Variants in KCND2 observed in about 807,000 individuals in gnomAD.
KCND2 encodes A-type voltage-gated potassium channel KCND2.
Under a neutral mutation model 54.4 loss-of-function variants are expected in KCND2, and 16 were observed. The observed-to-expected ratio is 0.29, with a 90% CI of 0.20 to 0.45. The LOEUF (loss-of-function observed/expected upper bound fraction) is 0.45. Ranked by LOEUF, KCND2 falls within the 20% of genes least tolerant of loss-of-function variation. The probability of loss-of-function intolerance (pLI) is 1.00; values close to 1 mark genes in which losing one functional copy is unlikely to be tolerated. For synonymous variants in KCND2, 317 were observed against 310.7 expected (o/e 1.02, Z -0.21); for missense variants, 486 against 824.2 (o/e 0.59, Z 5.02).
intron 1 of KCND2, among the ~76,000 whole-genome samples, chr7:120,307,636 C>T (rs972907505): frequency 6.6e-6 from 1 of 151,976 alleles, no homozygotes; most frequent in Non-Finnish European, 1.5e-5. Flanking sequence ...CCTGTGTGGT[C>T]AGATGTATGT....
intron 1 of KCND2, among the ~76,000 whole-genome samples, chr7:120,419,360 GA>G (rs952738649): frequency 7.2e-5 from 11 of 152,062 alleles, no homozygotes; most frequent in Non-Finnish European, 1.5e-4. Context: ...AAAACTAAAA[GA>G]ATTGGTCAAA....
chr7:120,382,961 G>C (rs1319400504), intron 1 of KCND2, among the ~76,000 whole-genome samples: 1 of 151,866 alleles, frequency 6.6e-6, no homozygotes, highest in Non-Finnish European at 1.5e-5. Context: ...CCAATGTCAA[G>C]ATCAAACGTT....
intron 1 of KCND2, among the ~76,000 whole-genome samples, chr7:120,296,940 G>A (rs1427924680): frequency 6.6e-6 from 1 of 151,820 alleles, no homozygotes; most frequent in Non-Finnish European, 1.5e-5. Context: ...TGAAAAGGAG[G>A]CATGATAAAC....
intron 1 of KCND2, among the ~76,000 whole-genome samples, chr7:120,487,095 G>A (rs1432396799): frequency 6.6e-6 from 1 of 152,144 alleles, no homozygotes; most frequent in Admixed American, 6.6e-5. Context: ...CAGTGCAGGA[G>A]CACTCTCACC....
At chr7:120,357,449 G>T (rs182675212) in intron 1 of KCND2, among the ~76,000 whole-genome samples, 11 of 151,976 alleles carry the variant, frequency 7.2e-5, no homozygotes, top group Middle Eastern at 3.4e-3. Context: ...GAATACTTTC[G>T]TCTATAAGAA....
chr7:120,412,928 A>G (rs944104668), intron 1 of KCND2, among the ~76,000 whole-genome samples: 1 of 152,068 alleles, frequency 6.6e-6, no homozygotes, highest in Non-Finnish European at 1.5e-5. Flanking sequence ...TTACTGGCAG[A>G]TCACTTTACT....
chr7:120,490,208 A>G (rs1248464516), intron 1 of KCND2, among the ~76,000 whole-genome samples: 5 of 145,744 alleles, frequency 3.4e-5, no homozygotes, highest in South Asian at 2.1e-4. Context: ...AATTACAACA[A>G]TTTTCCCCAA....
At chr7:120,734,855 C>T (rs537824912) in intron 2 of KCND2, among the ~76,000 whole-genome samples, 1 of 152,214 alleles carries the variant, frequency 6.6e-6, no homozygotes, top group African/African-American at 2.4e-5. Context: ...TAGTTATTCA[C>T]TGGCTTTGTA....
chr7:120,550,700 C>T (rs1418164107), intron 1 of KCND2, among the ~76,000 whole-genome samples: 1 of 152,110 alleles, frequency 6.6e-6, no homozygotes, highest in African/African-American at 2.4e-5. Flanking sequence ...TAAAACATGC[C>T]TTCATAGCTC....
At chr7:120,279,645 A>C (rs1393623524) in intron 1 of KCND2, among the ~76,000 whole-genome samples, 4 of 151,990 alleles carry the variant, frequency 2.6e-5, no homozygotes, top group Non-Finnish European at 5.9e-5. Context: ...AAAACTTAGC[A>C]TAATTGCCAT....
chr7:120,622,498 T>TAC (rs758650589), intron 1 of KCND2, among the ~76,000 whole-genome samples: 2 of 151,884 alleles, frequency 1.3e-5, no homozygotes, highest in African/African-American at 4.8e-5. Flanking sequence ...TATATATATA[T>TAC]ACAGTCTCAT....
intron 1 of KCND2, among the ~76,000 whole-genome samples, chr7:120,674,213 ACTGT>A (rs1792029703): frequency 6.6e-6 from 1 of 151,854 alleles, no homozygotes; most frequent in Non-Finnish European, 1.5e-5. Context: ...CACCTGCCTA[ACTGT>A]CATTCTTCTC....
At chr7:120,481,456 A>G (rs1182115259) in intron 1 of KCND2, among the ~76,000 whole-genome samples, 1 of 152,170 alleles carries the variant, frequency 6.6e-6, no homozygotes, top group East Asian at 1.9e-4. Context: ...AATACTAGGT[A>G]TTATTGACCA....
At chr7:120,388,967 G>A (rs368184502) in intron 1 of KCND2, among the ~76,000 whole-genome samples, 1 of 151,024 alleles carries the variant, frequency 6.6e-6, no homozygotes, top group Non-Finnish European at 1.5e-5. Flanking sequence ...GCATTTGCAT[G>A]TATAAATATT....
At chr7:120,309,500 CACAT>C (rs1215050784) in intron 1 of KCND2, among the ~76,000 whole-genome samples, 16 of 136,966 alleles carry the variant, frequency 1.2e-4, no homozygotes, top group Non-Finnish European at 1.9e-4. Flanking sequence ...CACACACACA[CACAT>C]ATGTATGTAT....
intron 1 of KCND2, among the ~76,000 whole-genome samples, chr7:120,568,980 C>T (rs754642179): frequency 2.6e-5 from 4 of 151,898 alleles, no homozygotes; most frequent in Admixed American, 6.6e-5. Context: ...AACCTCTGGT[C>T]GCCCTATCAT....
chr7:120,290,746 C>CT (rs961535613), intron 1 of KCND2, among the ~76,000 whole-genome samples: 2 of 151,608 alleles, frequency 1.3e-5, no homozygotes, highest in African/African-American at 2.4e-5. Flanking sequence ...TATATATATG[C>CT]TTTTTTTTCT....
rs547364667 is a variant in KCND2, at chr7:120,326,380, C to T, written c.1115+50633C>T. Among the ~76,000 whole-genome samples the T allele has an allele frequency of 1.2e-4, 18 of 152,146 alleles. No homozygotes were observed. In the South Asian group the frequency reaches 3.7e-3, roughly 32 times the overall value. On this transcript the variant is annotated intron_variant, in intron 1 of 5. Transcript: ENST00000331113. Reference sequence around the variant, plus strand: ...GACAGCTGGTAAACAAACAGGCAGACATTTCTGGCTTAATTACAAAAATAG... The same window carrying T: ...GACAGCTGGTAAACAAACAGGCAGATATTTCTGGCTTAATTACAAAAATAG...
intron 1 of KCND2, among the ~76,000 whole-genome samples, chr7:120,542,529 G>T (rs781057497): frequency 1.8e-4 from 27 of 152,086 alleles, no homozygotes; most frequent in Non-Finnish European, 3.2e-4. Flanking sequence ...ACAGCATAAG[G>T]AGTGTGACCT....
Sources: gnomAD v4.1 joint callset for allele counts (sites outside exome capture counted in the v4.1 genomes callset) on GRCh38, gnomAD v4.1.1 for gene constraint, MANE v1.5 for transcripts, NCBI Gene and HGNC (gene_info 2026-07-23, HGNC 2026-07-21) for gene names.